HMBOX1: variants seen among roughly 807,000 people sequenced by gnomAD.
HMBOX1 encodes the protein homeobox containing 1, also known as homeobox-containing protein 1.
In HMBOX1, 14 loss-of-function variants were observed where a neutral mutation model predicts 54.5. That is an observed-to-expected ratio of 0.26 (90% confidence interval 0.17 to 0.40). HMBOX1 has a LOEUF of 0.40. Among genes scored for constraint, HMBOX1 ranks in the 10% least tolerant of loss-of-function variants. The pLI, the probability that HMBOX1 is intolerant of heterozygous loss-of-function variation, is 1.00. For missense variants in HMBOX1, 332 were observed against 514.4 expected (o/e 0.65, Z 3.43); for synonymous variants, 160 against 181.0 (o/e 0.88, Z 0.93).
At chr8:29,014,452 C>T (rs1293804822) in intron 5 of HMBOX1, among the ~76,000 whole-genome samples, 1 of 152,100 alleles carries the variant, frequency 6.6e-6, no homozygotes, top group Non-Finnish European at 1.5e-5. Flanking sequence ...GCTTTTCATC[C>T]ATTTCAACCA....
rs1333466359 is a variant in HMBOX1 at position 29,051,310 on chromosome 8, CCT to C, written c.*157_*158del. On this transcript the variant is annotated 3_prime_UTR_variant, in exon 10 of 10. Coordinates refer to ENST00000287701, the MANE Select transcript of HMBOX1 (RefSeq NM_001135726.3). ...TTGTTCTGTGAAGATGGCATGGTGCCCTCAGCCTTTGCATATACTCTCTCAGT... is the reference window on the plus strand; with the variant it reads ...TTGTTCTGTGAAGATGGCATGGTGCCCAGCCTTTGCATATACTCTCTCAGT... 2.7e-5 allele frequency: 21 copies of C among 766,596 alleles called. No homozygotes were observed. The highest frequency in any genetic ancestry group is 4.4e-5 in the Non-Finnish European group (21 of 476,140). 47.5% of individuals were successfully genotyped at this position (766,596 alleles called of 1,614,324 possible).
At chr8:29,020,758 A>G (rs1205138682) in intron 6 of HMBOX1, among the ~76,000 whole-genome samples, 1 of 152,242 alleles carries the variant, frequency 6.6e-6, no homozygotes, top group African/African-American at 2.4e-5. Flanking sequence ...TTGTTATCCA[A>G]AATGACATAT....
intron 1 of HMBOX1, among the ~76,000 whole-genome samples, chr8:28,958,088 G>GT (rs552343733): frequency 3.7e-3 from 565 of 152,084 alleles, no homozygotes; most frequent in Non-Finnish European, 6.0e-3. Flanking sequence ...TAAAAGTATT[G>GT]TATCATATCT....
intron 4 of HMBOX1, among the ~76,000 whole-genome samples, chr8:28,993,355 C>G (rs1831283603): frequency 6.6e-6 from 1 of 151,934 alleles, no homozygotes; most frequent in Non-Finnish European, 1.5e-5. Context: ...TGTAATTTAT[C>G]TAGGAATTTA....
chr8:28,907,030 A>G (rs538923996), intron 1 of HMBOX1, among the ~76,000 whole-genome samples: 2 of 151,378 alleles, frequency 1.3e-5, no homozygotes, highest in South Asian at 4.4e-4. Context: ...AATGTTATCA[A>G]AATTATTTGA....
chr8:29,045,677 C>T (rs1204905054), intron 7 of HMBOX1, among the ~76,000 whole-genome samples: 3 of 152,194 alleles, frequency 2.0e-5, no homozygotes, highest in East Asian at 1.9e-4. Context: ...AGTGACCCTA[C>T]ATGAGATATG....
Position 28,896,581 on chromosome 8 carries a change from AACGGACTGAATATATGAC to A in HMBOX1, c.-58+5905_-58+5922del, listed in dbSNP as rs1020506805. 7.6e-4 allele frequency among the ~76,000 whole-genome samples: 113 copies of A among 149,060 alleles called. 5 individuals are homozygous for A. The highest frequency in any genetic ancestry group is 2.5e-3 in the African/African-American group (104 of 41,326). On this transcript the variant is annotated intron_variant, in intron 1 of 9. Coordinates refer to ENST00000287701, the MANE Select transcript of HMBOX1 (RefSeq NM_001135726.3). Reference sequence around the variant, plus strand: ...AGTACATAATGATGTTTCAGTCAAAAACGGACTGAATATATGACAGTGGTCCCATAAGATTATATCATA... The same window carrying A: ...AGTACATAATGATGTTTCAGTCAAAAAGTGGTCCCATAAGATTATATCATA...
chr8:28,988,302 A>G (rs1830450024), intron 4 of HMBOX1, among the ~76,000 whole-genome samples: 1 of 152,262 alleles, frequency 6.6e-6, no homozygotes, highest in Non-Finnish European at 1.5e-5. Flanking sequence ...TTGAATGGAT[A>G]TAACAAAATT....
At chr8:29,011,933 A>G (rs537985938) in intron 5 of HMBOX1, among the ~76,000 whole-genome samples, 1 of 152,262 alleles carries the variant, frequency 6.6e-6, no homozygotes, top group South Asian at 2.1e-4. Flanking sequence ...TTTCAGTAAG[A>G]TTGCATTATT....
chr8:28,962,955 A>G (rs904933460), intron 1 of HMBOX1, among the ~76,000 whole-genome samples: 1 of 152,092 alleles, frequency 6.6e-6, no homozygotes, highest in Non-Finnish European at 1.5e-5. Flanking sequence ...TCTTGTGTCT[A>G]TGCCAGGGCA....
intron 1 of HMBOX1, among the ~76,000 whole-genome samples, chr8:28,920,981 A>C (rs1817459642): frequency 6.6e-6 from 1 of 152,244 alleles, no homozygotes; most frequent in Non-Finnish European, 1.5e-5. Context: ...TACTAAATGC[A>C]CTATAACATT....
At chr8:29,045,635 A>G (rs1563642749) in intron 7 of HMBOX1, among the ~76,000 whole-genome samples, 192 bp downstream of exon 7, 1 of 152,198 alleles carries the variant, frequency 6.6e-6, no homozygotes, top group Non-Finnish European at 1.5e-5. Flanking sequence ...TGGTACTCAA[A>G]ATCAAATGCT....
intron 1 of HMBOX1, chr8:28,949,733 C>G (rs1245680414): frequency 6.6e-6 from 1 of 152,190 alleles, no homozygotes; most frequent in Non-Finnish European, 1.5e-5. Flanking sequence ...AATCCCTGCT[C>G]TTATGCTCAC....
At chr8:28,917,376 A>G (rs984719280) in intron 1 of HMBOX1, among the ~76,000 whole-genome samples, 7 of 152,182 alleles carry the variant, frequency 4.6e-5, no homozygotes, top group African/African-American at 1.7e-4. Flanking sequence ...ATAAGTAGAA[A>G]TGTAATTGAT....
rs1247299495 is a variant in HMBOX1, at chr8:28,930,108, A to G, written c.-57-33703A>G. On this transcript the variant is annotated intron_variant, in intron 1 of 9. Transcript: ENST00000287701. Reference sequence around the variant, plus strand: ...GAAGACTGTCTTTGGAATGAGTGACAGAGGTTCTAGAAACTGGATGTGCTG... The same window carrying G: ...GAAGACTGTCTTTGGAATGAGTGACGGAGGTTCTAGAAACTGGATGTGCTG... Among the ~76,000 whole-genome samples the G allele has an allele frequency of 2.0e-5, 3 of 152,234 alleles. No individual in the cohort carries two copies. In the East Asian group the frequency reaches 5.8e-4, roughly 29 times the overall value.
chr8:28,892,773 A>G (rs1268956763), intron 1 of HMBOX1, among the ~76,000 whole-genome samples: 8 of 152,326 alleles, frequency 5.3e-5, no homozygotes, highest in Non-Finnish European at 1.2e-4. Context: ...TCAGATGTAG[A>G]ATATACAATA....
intron 9 of HMBOX1, 28 bp from the exon 10 acceptor site, chr8:29,050,990 A>G (rs559857381): frequency 3.7e-5 from 60 of 1,602,802 alleles, no homozygotes; most frequent in Non-Finnish European, 4.7e-5. Flanking sequence ...CAATCCACTA[A>G]TAACATTTCT....
chr8:28,921,804 C>G (rs1309886665), intron 1 of HMBOX1, among the ~76,000 whole-genome samples: 3 of 152,114 alleles, frequency 2.0e-5, no homozygotes, highest in Non-Finnish European at 4.4e-5. Context: ...AAGTAAAATA[C>G]AAAAGCTCTA....
rs543541074 is a variant in HMBOX1 at position 28,966,610 on chromosome 8, A to T, written c.23+2720A>T. Among the ~76,000 whole-genome samples, 329 of 152,350 alleles carry T rather than the reference A, an allele frequency of 2.2e-3. 1 individual carries two copies. Among genetic ancestry groups the T allele is most frequent in the South Asian group, 8.1e-3 (39 of 4,828 alleles). On this transcript the variant is annotated intron_variant, in intron 2 of 9. Coordinates refer to ENST00000287701, the MANE Select transcript of HMBOX1 (RefSeq NM_001135726.3). ...GCTTAAACTAGGTAAATTATGAGAAATAAAATTGTGAAATGCCGGAGTATA... is the reference window on the plus strand; with the variant it reads ...GCTTAAACTAGGTAAATTATGAGAATTAAAATTGTGAAATGCCGGAGTATA...
Sources: allele counts gnomAD v4.1 joint callset (sites outside exome capture counted in the v4.1 genomes callset), GRCh38; gene constraint gnomAD v4.1.1; transcripts MANE v1.5; gene names NCBI Gene and HGNC (gene_info 2026-07-23, HGNC 2026-07-21).